Variants in STXBP4 observed in about 807,000 individuals in gnomAD.
The protein encoded by STXBP4 is syntaxin-binding protein 4.
A neutral mutation model predicts 76.1 loss-of-function variants in STXBP4; 55 were observed. The observed-to-expected ratio is 0.72, with a 90% confidence interval of 0.58 to 0.91. The LOEUF is 0.91. Ranked by LOEUF, STXBP4 falls within the 40% of genes least tolerant of loss-of-function variation. STXBP4 has a pLI of 0.00. For missense variants in STXBP4, 618 were observed against 636.9 expected, an observed-to-expected ratio of 0.97 and a Z score of 0.32; for synonymous variants, 201 against 220.2, an observed-to-expected ratio of 0.91 and a Z score of 0.77.
At chr17:55,142,216 C>G (rs1033596616) in intron 17 of STXBP4, among the ~76,000 whole-genome samples, 2 of 152,184 alleles carry the variant, frequency 1.3e-5, no homozygotes, top group South Asian at 4.1e-4. Flanking sequence ...GGACAGAGCA[C>G]TGTGATATAC....
At chr17:55,032,764 G>C (rs1598236972) in intron 9 of STXBP4, among the ~76,000 whole-genome samples, 1 of 152,138 alleles carries the variant, frequency 6.6e-6, no homozygotes, top group South Asian at 2.1e-4. Context: ...TATGCACCCA[G>C]ATTGCTCAGG....
intron 12 of STXBP4, among the ~76,000 whole-genome samples, chr17:55,047,995 A>G (rs1358190443): frequency 6.6e-6 from 1 of 151,914 alleles, no homozygotes; most frequent in Non-Finnish European, 1.5e-5. Flanking sequence ...TATGAATTAG[A>G]TGAAGAACAA....
rs747329487 is a variant in STXBP4 at position 55,168,929 on chromosome 17, C to A, written c.*9018C>A. 1 of 152,068 alleles carries A rather than the reference C, an allele frequency of 6.6e-6. No homozygotes were observed. Among genetic ancestry groups the A allele is most frequent in the Non-Finnish European group, 1.5e-5 (1 of 68,020 alleles). 9.4% of individuals were successfully genotyped at this position (152,068 alleles called of 1,614,324 possible). On this transcript the variant is annotated 3_prime_UTR_variant, in exon 18 of 18. Transcript: ENST00000376352. ...CAGGATTCATACTCTTCTCAATAGT[C>A]CTTAAATGGTTTATTGACCAAAAAG...
the STXBP4 span, among the ~76,000 whole-genome samples, chr17:55,205,702 C>G: frequency 0.019 from 2,824 of 151,446 alleles, 92 homozygotes; most frequent in African/African-American, 0.065. Flanking sequence ...TAAGAGTTTT[C>G]TAATATTTTA....
rs995405569 is a variant in STXBP4, at chr17:55,088,132, T to C, written c.1489+6949T>C. On this transcript the variant is annotated intron_variant, in intron 16 of 17. Transcript: ENST00000376352. ...TTCAAGTTTAATAATTCAGATTAAATTCAGCTGATTTTCTTTCTCTTTAAG... is the reference window on the plus strand; with the variant it reads ...TTCAAGTTTAATAATTCAGATTAAACTCAGCTGATTTTCTTTCTCTTTAAG... 2.0e-5 allele frequency among the ~76,000 whole-genome samples: 3 copies of C among 152,344 alleles called. No homozygotes were observed. The South Asian group carries it at 6.2e-4, about 32-fold the overall frequency.
the STXBP4 span, among the ~76,000 whole-genome samples, chr17:55,186,064 C>A: frequency 6.6e-6 from 1 of 152,176 alleles, no homozygotes; most frequent in Non-Finnish European, 1.5e-5. Flanking sequence ...ACTACGCCAA[C>A]CCCTTCCATA....
chr17:55,158,858 C>A (rs749618007), intron 17 of STXBP4, among the ~76,000 whole-genome samples: 5 of 152,250 alleles, frequency 3.3e-5, no homozygotes, highest in Middle Eastern at 3.4e-3. Flanking sequence ...AGAGATAAGA[C>A]CATGGGCACA....
At chr17:55,032,450 T>C (rs1027383007) in intron 9 of STXBP4, among the ~76,000 whole-genome samples, 4 of 152,120 alleles carry the variant, frequency 2.6e-5, no homozygotes, top group Non-Finnish European at 5.9e-5. Context: ...TGTGTGAAGA[T>C]AGAGGAAAAT....
chr17:55,209,429 T>A, the STXBP4 span, among the ~76,000 whole-genome samples: 2 of 152,056 alleles, frequency 1.3e-5, no homozygotes, highest in Non-Finnish European at 2.9e-5. Context: ...TCCCCTCAGC[T>A]GGGAGGAGCT....
At chr17:55,149,162 A>G (rs576282426) in intron 17 of STXBP4, among the ~76,000 whole-genome samples, 1 of 152,354 alleles carries the variant, frequency 6.6e-6, no homozygotes, top group East Asian at 1.9e-4. Context: ...TTAGCTATGA[A>G]TGAGTTGTAA....
chr17:54,994,472 A>T (rs927218837), intron 4 of STXBP4, among the ~76,000 whole-genome samples: 11 of 152,210 alleles, frequency 7.2e-5, no homozygotes, highest in Admixed American at 3.3e-4. Context: ...AGAAAATTTA[A>T]CAGCTTCCTA....
At chr17:55,016,571 C>T (rs941671548) in intron 8 of STXBP4, among the ~76,000 whole-genome samples, 1 of 152,164 alleles carries the variant, frequency 6.6e-6, no homozygotes, top group Non-Finnish European at 1.5e-5. Flanking sequence ...AATTATTAGG[C>T]AATTTTTCTA....
intron 16 of STXBP4, among the ~76,000 whole-genome samples, chr17:55,128,258 A>G (rs528074828): frequency 1.3e-5 from 2 of 151,058 alleles, no homozygotes; most frequent in African/African-American, 5.0e-5. Flanking sequence ...TAGACATTCA[A>G]CAAATGAAAG....
At chr17:55,034,586 C>T (rs544471980) in intron 10 of STXBP4, among the ~76,000 whole-genome samples, 1 of 151,998 alleles carries the variant, frequency 6.6e-6, no homozygotes, top group Admixed American at 6.6e-5. Flanking sequence ...TGTTTTATCT[C>T]TCTATAATAT....
the STXBP4 span, among the ~76,000 whole-genome samples, chr17:55,201,006 C>T: frequency 1.3e-5 from 2 of 152,188 alleles, no homozygotes; most frequent in Non-Finnish European, 2.9e-5. Context: ...TTGTCTCTCT[C>T]TCTGTCTGGA....
At chr17:55,084,518 G>A (rs986571053) in intron 16 of STXBP4, among the ~76,000 whole-genome samples, 1 of 150,744 alleles carries the variant, frequency 6.6e-6, no homozygotes, top group African/African-American at 2.4e-5. Context: ...GGCTTTTGTT[G>A]CCATTGCTTT....
At chr17:55,108,329 C>G (rs146596942) in intron 16 of STXBP4, among the ~76,000 whole-genome samples, 30 of 152,316 alleles carry the variant, frequency 2.0e-4, no homozygotes, top group African/African-American at 7.0e-4. Flanking sequence ...GCCAATGGAT[C>G]TTAGCTTGCT....
chr17:55,133,241 T>A (rs917052762), intron 16 of STXBP4, among the ~76,000 whole-genome samples: 4 of 152,254 alleles, frequency 2.6e-5, no homozygotes, highest in East Asian at 3.9e-4. Context: ...GCTGGTTGAT[T>A]ACATATGGGA....
chr17:55,104,761 CT>C, intron 16 of STXBP4, among the ~76,000 whole-genome samples: 1 of 152,060 alleles, frequency 6.6e-6, no homozygotes, highest in South Asian at 2.1e-4. Context: ...TGGTTCTGGG[CT>C]TTTTTTGGTT....
Sources: allele counts gnomAD v4.1 joint callset (sites outside exome capture counted in the v4.1 genomes callset), GRCh38; gene constraint gnomAD v4.1.1; transcripts MANE v1.5; gene names NCBI Gene and HGNC (gene_info 2026-07-23, HGNC 2026-07-21).